NIPAL2: variants seen among roughly 807,000 people sequenced by gnomAD.
NIPAL2 encodes the protein NIPA-like protein 2.
Under a neutral mutation model 48.9 loss-of-function variants are expected in NIPAL2, and 43 were observed. The observed-to-expected ratio is 0.88, with a 90% CI of 0.69 to 1.13. The LOEUF (loss-of-function observed/expected upper bound fraction) is 1.13. Ranked by LOEUF, NIPAL2 falls within the 50% of genes most tolerant of loss-of-function variation. The probability of loss-of-function intolerance (pLI) is 0.00; values close to 1 mark genes in which losing one functional copy is unlikely to be tolerated. For synonymous variants in NIPAL2, 167 were observed against 174.6 expected, an observed-to-expected ratio of 0.96 and a Z score of 0.34; for missense variants, 446 against 461.4, an observed-to-expected ratio of 0.97 and a Z score of 0.31.
chr8:98,193,424 C>T (rs376792473), intron 10 of NIPAL2: 249 of 1,613,880 alleles, frequency 1.5e-4, no homozygotes, highest in Admixed American at 2.3e-4. Flanking sequence ...TTCTTTTCCA[C>T]GTCGAATGCA....
At chr8:98,198,146 AAAC>A (rs200864172) in intron 8 of NIPAL2, among the ~76,000 whole-genome samples, 7,937 of 152,326 alleles carry the variant, frequency 0.052, 290 homozygotes, top group Non-Finnish European at 0.084. Flanking sequence ...GCAGGCATGA[AAAC>A]AACATTCATC....
At chr8:98,227,080 A>G (rs952884368) in intron 4 of NIPAL2, among the ~76,000 whole-genome samples, 4 of 152,058 alleles carry the variant, frequency 2.6e-5, no homozygotes, top group African/African-American at 9.7e-5. Flanking sequence ...CAATGGTGAC[A>G]TAAGGCCCAA....
At chr8:98,215,559 C>T (rs773073149) in intron 5 of NIPAL2, among the ~76,000 whole-genome samples, 10 of 152,196 alleles carry the variant, frequency 6.6e-5, no homozygotes, top group Non-Finnish European at 1.2e-4. Context: ...TGAATCCTCA[C>T]AACCATTTAG....
At chr8:98,220,169 A>T (rs1811782484) in intron 5 of NIPAL2, among the ~76,000 whole-genome samples, 1 of 152,222 alleles carries the variant, frequency 6.6e-6, no homozygotes, top group South Asian at 2.1e-4. Flanking sequence ...CAGAATACAT[A>T]TCAGAAATGG....
chr8:98,259,976 T>G (rs928542862), intron 1 of NIPAL2, among the ~76,000 whole-genome samples: 25 of 152,284 alleles, frequency 1.6e-4, no homozygotes, highest in Non-Finnish European at 3.4e-4. Context: ...CACAAAACTT[T>G]AGGATGATTT....
rs970281215 is a variant in NIPAL2, at chr8:98,192,675, G to C, written c.*303C>G. 1.2e-5 allele frequency: 4 copies of C among 323,956 alleles called. No homozygotes were observed. Among genetic ancestry groups the C allele is most frequent in the Non-Finnish European group, 2.3e-5 (4 of 174,474 alleles). The allele number at this position is 323,956 out of a possible 1,614,324, so 20.1% of individuals were successfully genotyped here. On this transcript the variant is annotated 3_prime_UTR_variant, in exon 11 of 11. Transcript: ENST00000430223. The stretch of plus-strand genomic sequence containing the variant: ...TGCGACCTGTGGCCAAACCGCAAAT[G>C]TATGTTTCTGTGCAACATTCCTGCT...
rs576980826 is a variant in NIPAL2, at chr8:98,253,876, T to C, written c.204+143A>G. On this transcript the variant is annotated intron_variant, in intron 2 of 10. Transcript: ENST00000430223. ...CCAGCCTGAATTATATTTGTGTTTA[T>C]ACCAATGAGGTCATAAAATATATAT... 5.8e-6 allele frequency: 3 copies of C among 513,072 alleles called. No homozygotes were observed. In the African/African-American group the frequency reaches 6.0e-5, roughly 10 times the overall value. 31.8% of individuals were successfully genotyped at this position (513,072 alleles called of 1,614,324 possible). A position where few individuals can be genotyped will look rare whatever the true frequency, so the allele number is the denominator to read the frequency against.
At chr8:98,201,390 T>G (rs1810791483) in intron 8 of NIPAL2, among the ~76,000 whole-genome samples, 1 of 152,162 alleles carries the variant, frequency 6.6e-6, no homozygotes, top group African/African-American at 2.4e-5. Context: ...TATTTTTAAC[T>G]TTTATTTTTT....
At chr8:98,280,507 G>A (rs1281683099) in intron 1 of NIPAL2, among the ~76,000 whole-genome samples, 1 of 151,694 alleles carries the variant, frequency 6.6e-6, no homozygotes, top group Admixed American at 6.6e-5. Flanking sequence ...GTACACACCA[G>A]GGGACGTGTC....
rs889178201 is a variant in NIPAL2, at chr8:98,252,545, G to A, written c.294C>T (p.Ala98=). ...CTGCAAAGTTCCCCGTCTCTCCCAC[G>A]GCCATCAGCAGGACACCACCCCACC... The part of the protein sequence containing the change: ...VLWWGGVLLM[A]VGETGNFAAY... Residue 98 remains alanine (A), a synonymous_variant, in exon 3 of 11, where the codon GCC becomes GCT. Coordinates refer to ENST00000430223, the MANE Select transcript of NIPAL2 (RefSeq NM_001321635.2). 55 of 1,614,044 alleles carry A rather than the reference G, an allele frequency of 3.4e-5. No individual in the cohort carries two copies. The highest frequency in any genetic ancestry group is 4.6e-5 in the Non-Finnish European group (54 of 1,180,008).
intron 1 of NIPAL2, among the ~76,000 whole-genome samples, chr8:98,286,721 A>C (rs960069723): frequency 6.6e-6 from 1 of 151,486 alleles, no homozygotes; most frequent in South Asian, 2.1e-4. Context: ...CGGCAGGAGA[A>C]TCACTTGAAC....
chr8:98,287,784 CA>C (rs1480551764), intron 1 of NIPAL2, among the ~76,000 whole-genome samples: 3 of 152,222 alleles, frequency 2.0e-5, no homozygotes, highest in Admixed American at 2.0e-4. Flanking sequence ...AACTTGGCAA[CA>C]CATCCAGTAA....
intron 2 of NIPAL2, among the ~76,000 whole-genome samples, chr8:98,253,252 A>T (rs879439365): frequency 2.0e-5 from 3 of 152,224 alleles, no homozygotes; most frequent in Admixed American, 6.5e-5. Flanking sequence ...AATAGGGTTC[A>T]GTATTAGCTC....
At chr8:98,273,264 A>C (rs1241718094) in intron 1 of NIPAL2, among the ~76,000 whole-genome samples, 1 of 152,214 alleles carries the variant, frequency 6.6e-6, no homozygotes, top group Non-Finnish European at 1.5e-5. Context: ...TTCAGTAACA[A>C]AAGATCACAA....
intron 1 of NIPAL2, among the ~76,000 whole-genome samples, chr8:98,292,671 T>A (rs191067145): frequency 1.3e-5 from 2 of 151,746 alleles, no homozygotes; most frequent in Non-Finnish European, 2.9e-5. Flanking sequence ...ACTACAGAGG[T>A]TTCCACTGTG....
chr8:98,286,393 G>A (rs1254888971), intron 1 of NIPAL2, among the ~76,000 whole-genome samples: 2 of 152,180 alleles, frequency 1.3e-5, no homozygotes, highest in Non-Finnish European at 2.9e-5. Flanking sequence ...GGTCTCTGAA[G>A]AAGTCATGTT....
chr8:98,277,638 A>T (rs191609710), intron 1 of NIPAL2, among the ~76,000 whole-genome samples: 7 of 152,288 alleles, frequency 4.6e-5, no homozygotes, highest in Admixed American at 2.0e-4. Flanking sequence ...CATGGCAGCC[A>T]TCAATTTACA....
intron 8 of NIPAL2, among the ~76,000 whole-genome samples, chr8:98,200,586 T>C (rs1810753052): frequency 6.6e-6 from 1 of 152,264 alleles, no homozygotes; most frequent in African/African-American, 2.4e-5. Flanking sequence ...AATGCTGCTA[T>C]GAACATACAT....
intron 1 of NIPAL2, among the ~76,000 whole-genome samples, chr8:98,272,858 A>T (rs946815392): frequency 3.9e-5 from 6 of 152,188 alleles, no homozygotes; most frequent in African/African-American, 1.4e-4. Flanking sequence ...TAAACTTATG[A>T]TGTCTGAAAA....
Sources: allele counts gnomAD v4.1 joint callset (sites outside exome capture counted in the v4.1 genomes callset), GRCh38; gene constraint gnomAD v4.1.1; transcripts MANE v1.5; gene names NCBI Gene and HGNC (gene_info 2026-07-23, HGNC 2026-07-21).